AFF4: variants seen among roughly 807,000 people sequenced by gnomAD.
The protein encoded by AFF4 is AF4/FMR2 family member 4.
In AFF4, 13 loss-of-function variants were observed where a neutral mutation model predicts 124.8. The ratio of observed to expected loss-of-function variants is 0.10; its 90% CI spans 0.07 to 0.17. AFF4 has a LOEUF of 0.17. Among genes scored for constraint, AFF4 ranks in the 10% least tolerant of loss-of-function variants. The pLI is 1.00. For synonymous variants in AFF4, 477 were observed against 496.1 expected, an observed-to-expected ratio of 0.96 and a Z score of 0.51; for missense variants, 1,092 against 1,403.8, an observed-to-expected ratio of 0.78 and a Z score of 3.55.
rs1759881813 is a variant in AFF4, at chr5:132,878,028, T to C, written c.*3031A>G. On this transcript the variant is annotated 3_prime_UTR_variant, in exon 21 of 21. Coordinates refer to ENST00000265343, the MANE Select transcript of AFF4 (RefSeq NM_014423.4). ...AAATGGTGGTCAACCTTCTCCACTC[T>C]TCGGCAGCTGTAGCTGTAAGTTTAT... The C allele has an allele frequency of 9.0e-6, 2 of 222,778 alleles. No individual in the cohort carries two copies. The highest frequency in any genetic ancestry group is 1.3e-4 in the East Asian group (2 of 15,310). The allele number at this position is 222,778 out of a possible 1,614,324, so 13.8% of individuals were successfully genotyped here.
intron 5 of AFF4, among the ~76,000 whole-genome samples, chr5:132,921,804 A>AG (rs1238824663): frequency 6.6e-6 from 1 of 151,688 alleles, no homozygotes. Context: ...CCCCCCAGAG[A>AG]GAGTCAGTCT....
intron 7 of AFF4, chr5:132,900,753 A>G (rs1445511028): frequency 1.7e-6 from 1 of 573,712 alleles, no homozygotes; most frequent in African/African-American, 2.0e-5. Context: ...AAAATTTTCT[A>G]TGTAACAGTC....
chr5:132,891,985 A>G lies in AFF4; in HGVS notation c.2637+179T>C, dbSNP rs6596093. 0.88 allele frequency: 851,437 copies of G among 967,706 alleles called. 378,436 individuals carry two copies. The highest frequency in any genetic ancestry group is 0.98 in the African/African-American group (59,232 of 60,628). The allele number at this position is 967,706 out of a possible 1,614,324, so 59.9% of individuals were successfully genotyped here. A position where few individuals can be genotyped will look rare whatever the true frequency, so the allele number is the denominator to read the frequency against. On this transcript the variant is annotated intron_variant, in intron 13 of 20. Transcript: ENST00000265343. ...TATGTATGTGACCAGCTGACTTACCACCTTCACAGTCTTATATCACTGTAT... is the reference window on the plus strand; with the variant it reads ...TATGTATGTGACCAGCTGACTTACCGCCTTCACAGTCTTATATCACTGTAT...
chr5:132,954,488 T>C (rs1008170863), intron 1 of AFF4, among the ~76,000 whole-genome samples: 2 of 151,206 alleles, frequency 1.3e-5, no homozygotes, highest in African/African-American at 4.9e-5. Context: ...TGGCAGCATC[T>C]AGGGGTGGTT....
At chr5:132,931,922 C>T (rs570702462) in intron 4 of AFF4, among the ~76,000 whole-genome samples, 1 of 151,884 alleles carries the variant, frequency 6.6e-6, no homozygotes, top group African/African-American at 2.4e-5. Context: ...CCAGGCTGGG[C>T]GACAGAGTGA....
chr5:132,957,499 G>A (rs758886696), intron 1 of AFF4, among the ~76,000 whole-genome samples: 16 of 152,114 alleles, frequency 1.1e-4, no homozygotes, highest in South Asian at 4.2e-4. Context: ...TTGGGAGGCC[G>A]AGGCAGGCAG....
chr5:132,901,340 TA>T (rs1760547360), intron 7 of AFF4, among the ~76,000 whole-genome samples: 1 of 152,194 alleles, frequency 6.6e-6, no homozygotes, highest in Non-Finnish European at 1.5e-5. Flanking sequence ...GTATGATGAA[TA>T]GGAGTATAAT....
chr5:132,907,152 G>A (rs772692677), intron 5 of AFF4, among the ~76,000 whole-genome samples: 3 of 152,008 alleles, frequency 2.0e-5, no homozygotes, highest in Admixed American at 6.6e-5. Context: ...CATCTGAACC[G>A]GAAAGACTTC....
chr5:132,914,684 A>G (rs1760868779), intron 5 of AFF4, among the ~76,000 whole-genome samples: 4 of 152,108 alleles, frequency 2.6e-5, no homozygotes, highest in Admixed American at 2.0e-4. Context: ...ATAAAAAACA[A>G]AAACAACAGA....
At chr5:132,941,826 G>A (rs559838647) in intron 1 of AFF4, among the ~76,000 whole-genome samples, 3 of 152,048 alleles carry the variant, frequency 2.0e-5, no homozygotes, top group Admixed American at 1.3e-4. Context: ...TGGCCAACAC[G>A]GGGAATCCCC....
chr5:132,898,569 C>T (rs1285131684), intron 9 of AFF4, among the ~76,000 whole-genome samples, 177 bp from the exon 10 acceptor site: 29 of 152,170 alleles, frequency 1.9e-4, no homozygotes, highest in African/African-American at 3.1e-4. Context: ...CTGCAACCTC[C>T]GCCTTCCAGG....
At chr5:132,929,746 G>T (rs950889681) in intron 4 of AFF4, among the ~76,000 whole-genome samples, 1 of 152,116 alleles carries the variant, frequency 6.6e-6, no homozygotes, top group African/African-American at 2.4e-5. Flanking sequence ...ATTAAATTTG[G>T]ATACTATTCT....
chr5:132,888,388 T>C (rs2150066914), intron 14 of AFF4, among the ~76,000 whole-genome samples: 1 of 152,206 alleles, frequency 6.6e-6, no homozygotes, highest in South Asian at 2.1e-4. Flanking sequence ...TCAAGCTCCC[T>C]AGTATCAAAT....
intron 1 of AFF4, among the ~76,000 whole-genome samples, chr5:132,940,965 T>G (rs1484773133): frequency 6.6e-6 from 1 of 151,724 alleles, no homozygotes; most frequent in East Asian, 1.9e-4. Context: ...AGGCGGAGGT[T>G]GCAGTGAGCT....
At chr5:132,905,883 C>A (rs1760661170) in intron 5 of AFF4, among the ~76,000 whole-genome samples, 1 of 152,108 alleles carries the variant, frequency 6.6e-6, no homozygotes, top group Non-Finnish European at 1.5e-5. Context: ...AATGATGTAT[C>A]TGATAAGGGG....
chr5:132,896,055 C>CT (rs1256044848), intron 11 of AFF4, among the ~76,000 whole-genome samples: 1 of 152,258 alleles, frequency 6.6e-6, no homozygotes, highest in African/African-American at 2.4e-5. Context: ...CTGCTGCTCT[C>CT]TAACCTCTAC....
rs1183799769 is a variant in AFF4 at position 132,877,034 on chromosome 5, A to G, written c.*4025T>C. On this transcript the variant is annotated 3_prime_UTR_variant, in exon 21 of 21. Transcript: ENST00000265343. Reference sequence around the variant, plus strand: ...CTGCCTCTTCAATACATTAATGCATAAAGCTGAAATGAAATTTATGTTCCA... The same window carrying G: ...CTGCCTCTTCAATACATTAATGCATGAAGCTGAAATGAAATTTATGTTCCA... The G allele has an allele frequency of 5.0e-6, 1 of 199,598 alleles. No homozygotes were observed. The highest frequency in any genetic ancestry group is 6.0e-5 in the Admixed American group (1 of 16,638). 12.4% of individuals were successfully genotyped at this position (199,598 alleles called of 1,614,324 possible). A position where few individuals can be genotyped will look rare whatever the true frequency, so the allele number is the denominator to read the frequency against.
intron 6 of AFF4, among the ~76,000 whole-genome samples, chr5:132,902,705 G>A (rs897165640): frequency 6.6e-6 from 1 of 152,160 alleles, no homozygotes; most frequent in African/African-American, 2.4e-5. Context: ...AAACTCATAC[G>A]ATCTTCTTGA....
chr5:132,876,109 A>G lies in AFF4; in HGVS notation c.*4950T>C, dbSNP rs1373805945. 8.7e-6 allele frequency: 2 copies of G among 230,122 alleles called. No individual in the cohort carries two copies. Among genetic ancestry groups the G allele is most frequent in the East Asian group, 6.2e-5 (1 of 16,184 alleles). 14.3% of individuals were successfully genotyped at this position (230,122 alleles called of 1,614,324 possible). ...AAACGGAGGCTAGATAGAAATTTTC[A>G]TAACTGTGCTTACCAACCCCACAAC... On this transcript the variant is annotated 3_prime_UTR_variant, in exon 21 of 21. Transcript: ENST00000265343.
Sources: allele counts gnomAD v4.1 joint callset (sites outside exome capture counted in the v4.1 genomes callset), GRCh38; gene constraint gnomAD v4.1.1; transcripts MANE v1.5; gene names NCBI Gene and HGNC (gene_info 2026-07-23, HGNC 2026-07-21).